FER1L6: variants seen among roughly 807,000 people sequenced by gnomAD.
FER1L6 encodes fer-1 like family member 6.
A neutral mutation model predicts 219.2 loss-of-function variants in FER1L6; 177 were observed. The ratio of observed to expected loss-of-function variants is 0.81; its 90% CI spans 0.71 to 0.91. The LOEUF (loss-of-function observed/expected upper bound fraction) is 0.91, where lower values mean the gene tolerates loss of function less well. Among genes scored for constraint, FER1L6 ranks in the 40% least tolerant of loss-of-function variants. The probability of loss-of-function intolerance (pLI) is 0.00; values close to 1 mark genes in which losing one functional copy is unlikely to be tolerated. For missense variants in FER1L6, 2,153 were observed against 2,259.9 expected (o/e 0.95, Z 0.96); for synonymous variants, 768 against 824.3 (o/e 0.93, Z 1.17).
At chr8:123,864,875 C>T in intron 1 of FER1L6, among the ~76,000 whole-genome samples, 1 of 150,562 alleles carries the variant, frequency 6.6e-6, no homozygotes, top group Non-Finnish European at 1.5e-5. Context: ...TCTAGTTATA[C>T]ATTCTTCTAA....
chr8:124,017,248 G>T (rs569316903), intron 15 of FER1L6, among the ~76,000 whole-genome samples: 15 of 152,026 alleles, frequency 9.9e-5, no homozygotes, highest in Non-Finnish European at 1.8e-4. Context: ...ACACATCTAG[G>T]TATTGAATCT....
At chr8:123,921,316 G>A (rs1351914288) in intron 1 of FER1L6, among the ~76,000 whole-genome samples, 1 of 152,076 alleles carries the variant, frequency 6.6e-6, no homozygotes, top group Admixed American at 6.5e-5. Flanking sequence ...ATTGTGCAAG[G>A]ATTCCAACTT....
At chr8:123,878,779 C>A (rs1189425971) in intron 1 of FER1L6, among the ~76,000 whole-genome samples, 1 of 152,064 alleles carries the variant, frequency 6.6e-6, no homozygotes, top group Non-Finnish European at 1.5e-5. Flanking sequence ...TTATATTTAA[C>A]TGTATTTATT....
intron 1 of FER1L6, among the ~76,000 whole-genome samples, chr8:123,938,731 A>G (rs1426663102): frequency 6.6e-6 from 1 of 151,800 alleles, no homozygotes; most frequent in Non-Finnish European, 1.5e-5. Flanking sequence ...TGTTTTTAGT[A>G]GAGATGGGGT....
chr8:123,896,796 A>G (rs1420797401), intron 1 of FER1L6, among the ~76,000 whole-genome samples: 1 of 152,154 alleles, frequency 6.6e-6, no homozygotes, highest in East Asian at 1.9e-4. Context: ...CTATATGCTG[A>G]TAACTCACAA....
intron 12 of FER1L6, among the ~76,000 whole-genome samples, chr8:123,991,981 G>T (rs1277003959): frequency 6.6e-6 from 1 of 151,868 alleles, no homozygotes; most frequent in East Asian, 1.9e-4. Context: ...TTTTAATTCT[G>T]TTTATTTGAT....
intron 12 of FER1L6, among the ~76,000 whole-genome samples, chr8:123,999,356 C>A (rs1388871582): frequency 6.6e-6 from 1 of 152,162 alleles, no homozygotes; most frequent in African/African-American, 2.4e-5. Context: ...TTAGAAATGT[C>A]ATCTGGGGGC....
intron 34 of FER1L6, among the ~76,000 whole-genome samples, chr8:124,094,546 C>T (rs529150060): frequency 6.6e-6 from 1 of 152,010 alleles, no homozygotes; most frequent in Non-Finnish European, 1.5e-5. Context: ...AGTGCAGTGG[C>T]GCGATCTCAG....
At position 123,933,378 on chromosome 8, in the gene FER1L6, CTG is replaced by C. The variant is rs767541659; in HGVS notation, c.-7-22592_-7-22591del. Among the ~76,000 whole-genome samples, 175 of 130,060 alleles carry C rather than the reference CTG, an allele frequency of 1.3e-3. 1 individual carries two copies. The highest frequency in any genetic ancestry group is 5.4e-3 in the South Asian group (24 of 4,466). The allele number at this position is 130,060 out of a possible 152,430, so 85.3% of individuals were successfully genotyped here. ...TCTTTCTATCATAGCATATGTGTGTCTGTGTGTGTGTGTGTGTGTGTGTCTGT... is the reference window on the plus strand; with the variant it reads ...TCTTTCTATCATAGCATATGTGTGTCTGTGTGTGTGTGTGTGTGTGTCTGT... On this transcript the variant is annotated intron_variant, in intron 1 of 40. Transcript: ENST00000522917.
chr8:124,084,266 A>G (rs1392209316), intron 33 of FER1L6, among the ~76,000 whole-genome samples: 1 of 150,598 alleles, frequency 6.6e-6, no homozygotes, highest in African/African-American at 2.4e-5. Flanking sequence ...GTCTTATCTG[A>G]TTGCTCTAGC....
At chr8:123,975,516 T>C (rs1319993417) in intron 8 of FER1L6, among the ~76,000 whole-genome samples, 1 of 152,206 alleles carries the variant, frequency 6.6e-6, no homozygotes. Flanking sequence ...AAGAACTGTC[T>C]GTCTTCCTAT....
chr8:123,892,513 G>A (rs945810445), intron 1 of FER1L6, among the ~76,000 whole-genome samples: 8 of 152,160 alleles, frequency 5.3e-5, no homozygotes, highest in Middle Eastern at 3.4e-3. Context: ...GGCTGGTTGC[G>A]AACTCCTGAC....
At chr8:124,034,250 T>C (rs916236893) in intron 18 of FER1L6, among the ~76,000 whole-genome samples, 1 of 151,754 alleles carries the variant, frequency 6.6e-6, no homozygotes, top group Non-Finnish European at 1.5e-5. Flanking sequence ...TTTTGAGAGG[T>C]AGCAGCTAAG....
chr8:123,951,897 G>A (rs541718137), intron 1 of FER1L6, among the ~76,000 whole-genome samples: 1 of 152,298 alleles, frequency 6.6e-6, no homozygotes, highest in Admixed American at 6.5e-5. Flanking sequence ...TACTGGGCAT[G>A]CTGTTGACAC....
At position 123,975,918 on chromosome 8, in the gene FER1L6, G is replaced by T; in HGVS notation, c.704G>T (p.Gly235Val). The part of the protein sequence containing the change: ...PIEKNLLIPN[G>V]FPLERPWARF... Reference sequence around the variant, plus strand: ...CTAAGGAACCTTTTGATCCCCAATGGGTTTCCACTGGAGAGACCGTGGGCC... The same window carrying T: ...CTAAGGAACCTTTTGATCCCCAATGTGTTTCCACTGGAGAGACCGTGGGCC... The change falls in exon 9 of 41, where the codon GGG becomes GTG. Residue 235 changes from glycine to valine, a missense_variant. Physicochemically the swap from Gly to Val is moderately radical, Grantham distance 109. Coordinates refer to ENST00000522917, the MANE Select transcript of FER1L6 (RefSeq NM_001039112.2). 1 of 1,604,120 alleles carries T rather than the reference G, an allele frequency of 6.2e-7. No homozygotes were observed. The highest frequency in any genetic ancestry group is 8.5e-7 in the Non-Finnish European group (1 of 1,174,844).
intron 1 of FER1L6, among the ~76,000 whole-genome samples, chr8:123,923,783 A>G (rs1221276100): frequency 6.6e-6 from 1 of 152,044 alleles, no homozygotes; most frequent in African/African-American, 2.4e-5. Context: ...CTAAAAATAC[A>G]AAAATTAGCT....
rs775801755 is a variant in FER1L6 at position 123,986,080 on chromosome 8, A to G, written c.1423A>G (p.Lys475Glu). 4.3e-6 allele frequency: 7 copies of G among 1,610,064 alleles called. No homozygotes were observed. Among genetic ancestry groups the G allele is most frequent in the Non-Finnish European group, 6.0e-6 (7 of 1,176,334 alleles). Reference sequence around the variant, plus strand: ...TTTCTTTCTGTAGATTGTACCAGAAAAAAATGAGGAATTTTTACTCTTTGG... The same window carrying G: ...TTTCTTTCTGTAGATTGTACCAGAAGAAAATGAGGAATTTTTACTCTTTGG... ...FDVPPEIVPE[K>E]NEEFLLFGAF... is the part of the protein sequence containing the mutation. Residue 475 changes from lysine (K) to glutamate (E), a missense_variant, in exon 12 of 41, where the codon AAA becomes GAA. Lys to Glu is a moderately conservative substitution (Grantham distance 56). Transcript: ENST00000522917.
chr8:123,966,274 G>C lies in FER1L6; in HGVS notation c.368G>C (p.Ser123Thr). Residue 123 changes from serine (S) to threonine (T), a missense_variant, in exon 5 of 41, where the codon AGC becomes ACC. Transcript: ENST00000522917. ...AGCACAGTGAAGGAAGGAACCAACAGCCCATTTTATAATGAAGTAAGTCAT... is the reference window on the plus strand; with the variant it reads ...AGCACAGTGAAGGAAGGAACCAACACCCCATTTTATAATGAAGTAAGTCAT... ...KQSTVKEGTN[S>T]PFYNEYFVFD... 1 of 1,614,144 alleles carries C rather than the reference G, an allele frequency of 6.2e-7. No homozygotes were observed.
intron 1 of FER1L6, among the ~76,000 whole-genome samples, chr8:123,940,393 A>G (rs1814189422): frequency 6.6e-6 from 1 of 152,110 alleles, no homozygotes; most frequent in African/African-American, 2.4e-5. Context: ...GTTGGAGTGC[A>G]ATGGTGCGAT....
Sources: allele counts gnomAD v4.1 joint callset (sites outside exome capture counted in the v4.1 genomes callset), GRCh38; gene constraint gnomAD v4.1.1; transcripts MANE v1.5; gene names NCBI Gene and HGNC (gene_info 2026-07-23, HGNC 2026-07-21).